Variants in TBC1D22B observed in about 807,000 individuals in gnomAD.
TBC1D22B encodes the protein chromosome 6 open reading frame 197.
In TBC1D22B, 32 loss-of-function variants were observed where a neutral mutation model predicts 69.1. The ratio of observed to expected loss-of-function variants is 0.46; its 90% CI spans 0.35 to 0.62. The LOEUF is 0.62. Among genes scored for constraint, TBC1D22B ranks in the 20% least tolerant of loss-of-function variants. TBC1D22B has a pLI of 0.00. For synonymous variants in TBC1D22B, 206 were observed against 229.8 expected (o/e 0.90, Z 0.94); for missense variants, 462 against 630.9 (o/e 0.73, Z 2.87).
intron 3 of TBC1D22B, among the ~76,000 whole-genome samples, chr6:37,280,293 T>C (rs957048679): frequency 4.6e-5 from 7 of 152,212 alleles, no homozygotes; most frequent in African/African-American, 1.2e-4. Flanking sequence ...TAATGGGTTT[T>C]ATAAAGTATG....
intron 12 of TBC1D22B, among the ~76,000 whole-genome samples, chr6:37,330,367 T>C (rs1768549361): frequency 6.6e-6 from 1 of 151,632 alleles, no homozygotes; most frequent in Non-Finnish European, 1.5e-5. Context: ...GCCTCCCAAG[T>C]AGCTGTGACT....
At chr6:37,299,197 G>GTATT (rs1159000881) in intron 8 of TBC1D22B, among the ~76,000 whole-genome samples, 1 of 152,038 alleles carries the variant, frequency 6.6e-6, no homozygotes, top group Non-Finnish European at 1.5e-5. Flanking sequence ...TTTCTCATCT[G>GTATT]TATTATCATT....
At chr6:37,298,436 A>G (rs1416851076) in intron 8 of TBC1D22B, among the ~76,000 whole-genome samples, 4 of 152,306 alleles carry the variant, frequency 2.6e-5, no homozygotes, top group Middle Eastern at 3.4e-3. Context: ...AAGCCTGAAC[A>G]TATAGATCCA....
Position 37,269,588 on chromosome 6 carries a change from T to C in TBC1D22B, c.57-6T>C. 3 of 1,614,152 alleles carry C rather than the reference T, an allele frequency of 1.9e-6. No individual in the cohort carries two copies. On this transcript the variant is annotated splice_polypyrimidine_tract_variant and splice_region_variant and intron_variant, in intron 1 of 12. Coordinates refer to ENST00000373491, the MANE Select transcript of TBC1D22B (RefSeq NM_017772.4). The stretch of plus-strand genomic sequence containing the variant: ...AACTATTTCTTCCTTTTGTTTTTGC[T>C]TTTAGCATTCAGCCTGTATATGGAG...
chr6:37,267,795 G>A (rs945788718), intron 1 of TBC1D22B, among the ~76,000 whole-genome samples: 9 of 151,480 alleles, frequency 5.9e-5, no homozygotes, highest in Non-Finnish European at 1.2e-4. Context: ...ATCCATATTC[G>A]TCTATTAACA....
In TBC1D22B at chr6:37,279,606, A is replaced by G. The variant is rs1463645427; in HGVS notation, c.416A>G (p.Asn139Ser). The part of the protein sequence containing the change: ...KSSSDAQLSR[N>S]SSDTCLRNPL... ...AGCAGTGATGCCCAGCTGTCCAGAA[A>G]CTCTAGTAAGTCCTTCCTGCTCCCT... Residue 139 changes from asparagine (N) to serine (S), a missense_variant, in exon 3 of 13, where the codon AAC (asparagine) becomes AGC (serine). Around this residue, in one of 2 missense-constraint regions of TBC1D22B, gnomAD observed 237 missense variants for 255.4 expected, o/e 0.93. Coordinates refer to ENST00000373491, the MANE Select transcript of TBC1D22B (RefSeq NM_017772.4). The G allele has an allele frequency of 6.2e-7, 1 of 1,608,126 alleles. No homozygotes were observed. Among genetic ancestry groups the G allele is most frequent in the Non-Finnish European group, 8.5e-7 (1 of 1,176,574 alleles).
Position 37,316,807 on chromosome 6 carries a change from A to T in TBC1D22B, c.1270A>T (p.Ile424Phe), listed in dbSNP as rs1768097094. ...LMRELPLRCT[I>F]RLWDTYQSEP... Reference sequence around the variant, plus strand: ...GCGGGAGCTTCCTCTTCGCTGCACCATCCGCCTGTGGGACACATATCAGGT... The same window carrying T: ...GCGGGAGCTTCCTCTTCGCTGCACCTTCCGCCTGTGGGACACATATCAGGT... Residue 424 changes from isoleucine to phenylalanine, a missense_variant, in exon 11 of 13, where the codon ATC becomes TTC. By Grantham distance (21) the Ile-to-Phe change is conservative (BLOSUM62 0). Transcript: ENST00000373491. 6.2e-7 allele frequency: 1 copy of T among 1,614,102 alleles called. No homozygotes were observed. The highest frequency in any genetic ancestry group is 1.3e-5 in the African/African-American group (1 of 74,934).
chr6:37,302,155 A>G (rs1767590386), intron 8 of TBC1D22B, among the ~76,000 whole-genome samples: 1 of 152,252 alleles, frequency 6.6e-6, no homozygotes, highest in Non-Finnish European at 1.5e-5. Flanking sequence ...AGTTCCAGTG[A>G]TTCCCCTGTG....
intron 1 of TBC1D22B, among the ~76,000 whole-genome samples, chr6:37,268,421 G>A (rs907251667): frequency 6.6e-6 from 1 of 152,120 alleles, no homozygotes; most frequent in Non-Finnish European, 1.5e-5. Context: ...TAGAAACAGA[G>A]TCTCACTTTG....
chr6:37,269,528 C>T, intron 1 of TBC1D22B, 66 bp from the exon 2 acceptor site: 1 of 1,497,400 alleles, frequency 6.7e-7, no homozygotes, highest in Non-Finnish European at 9.3e-7. Flanking sequence ...ATGCAGATGG[C>T]ACTTAGCCAA....
chr6:37,285,304 G>T, intron 6 of TBC1D22B, among the ~76,000 whole-genome samples: 1 of 136,132 alleles, frequency 7.3e-6, no homozygotes, highest in African/African-American at 2.9e-5. Flanking sequence ...ACTCCTTTTG[G>T]TCCTTCCCCA....
chr6:37,327,503 AAAAT>A, intron 12 of TBC1D22B, among the ~76,000 whole-genome samples: 1 of 150,752 alleles, frequency 6.6e-6, no homozygotes, highest in East Asian at 1.9e-4. Flanking sequence ...AAAAAAAAAA[AAAAT>A]AAGTTGAGAT....
intron 3 of TBC1D22B, among the ~76,000 whole-genome samples, chr6:37,279,925 G>T (rs1766774934): frequency 6.6e-6 from 1 of 152,184 alleles, no homozygotes; most frequent in Admixed American, 6.5e-5. Flanking sequence ...GCTTCACATT[G>T]CTTTAGGCCT....
intron 3 of TBC1D22B, among the ~76,000 whole-genome samples, chr6:37,280,976 T>C (rs1311246527): frequency 6.6e-6 from 1 of 152,248 alleles, no homozygotes; most frequent in African/African-American, 2.4e-5. Flanking sequence ...ACACTAGGCA[T>C]CCCAGCCAAC....
chr6:37,294,290 C>T (rs1483637967), intron 8 of TBC1D22B, among the ~76,000 whole-genome samples: 3 of 152,234 alleles, frequency 2.0e-5, no homozygotes, highest in East Asian at 3.9e-4. Context: ...CCTGCCCCTC[C>T]GAGTAGCTAG....
In TBC1D22B at chr6:37,265,783, T is replaced by C. The variant is rs796290038; in HGVS notation, c.57-3811T>C. Among the ~76,000 whole-genome samples the C allele has an allele frequency of 6.6e-5, 10 of 152,228 alleles. No individual in the cohort carries two copies. The South Asian group carries it at 2.1e-3, about 31-fold the overall frequency. Reference sequence around the variant, plus strand: ...TTCTTATAGCTAAAGAAGTAGGGACTGTATTCATAAATTAAAGATTATATG... The same window carrying C: ...TTCTTATAGCTAAAGAAGTAGGGACCGTATTCATAAATTAAAGATTATATG... On this transcript the variant is annotated intron_variant, in intron 1 of 12. Transcript: ENST00000373491.
chr6:37,284,292 C>G, intron 5 of TBC1D22B, 44 bp from the exon 6 acceptor site: 1 of 1,613,528 alleles, frequency 6.2e-7, no homozygotes, highest in African/African-American at 1.3e-5. Context: ...AAGGATTTAT[C>G]CAACCATTGT....
intron 7 of TBC1D22B, among the ~76,000 whole-genome samples, chr6:37,287,898 G>A (rs1259407633): frequency 6.6e-6 from 1 of 152,160 alleles, no homozygotes; most frequent in African/African-American, 2.4e-5. Context: ...TTAGAAGTGG[G>A]AGTAGTAGTT....
rs1765857418 is a variant in TBC1D22B, at chr6:37,257,873, G to A, written c.-45G>A. Reference sequence around the variant, plus strand: ...TGCGGGGTCTGGGGGCATCTCGCCGGGCAAACCCTTGGCCCGCCTACAAGG... The same window carrying A: ...TGCGGGGTCTGGGGGCATCTCGCCGAGCAAACCCTTGGCCCGCCTACAAGG... On this transcript the variant is annotated 5_prime_UTR_variant, in exon 1 of 13. Coordinates refer to ENST00000373491, the MANE Select transcript of TBC1D22B (RefSeq NM_017772.4). 1.2e-6 allele frequency: 2 copies of A among 1,602,758 alleles called. No individual in the cohort carries two copies. The highest frequency in any genetic ancestry group is 8.5e-7 in the Non-Finnish European group (1 of 1,174,768).
Sources: gnomAD v4.1 joint callset for allele counts (sites outside exome capture counted in the v4.1 genomes callset) on GRCh38, gnomAD v4.1.1 for gene constraint, gnomAD v4.1.1 regional missense constraint, MANE v1.5 for transcripts, NCBI Gene and HGNC (gene_info 2026-07-23, HGNC 2026-07-21) for gene names.